ISY1: variants seen among roughly 807,000 people sequenced by gnomAD.
ISY1 encodes the protein pre-mRNA-splicing factor ISY1 homolog.
Under a neutral mutation model 54.4 loss-of-function variants are expected in ISY1, and 12 were observed. The observed-to-expected ratio is 0.22, with a 90% CI of 0.14 to 0.36. ISY1 has a LOEUF of 0.36. Ranked by LOEUF, ISY1 falls within the 10% of genes least tolerant of loss-of-function variation. The pLI, the probability that ISY1 is intolerant of heterozygous loss-of-function variation, is 1.00. For missense variants in ISY1, 282 were observed against 342.2 expected, an observed-to-expected ratio of 0.82 and a Z score of 1.39; for synonymous variants, 96 against 117.9, an observed-to-expected ratio of 0.81 and a Z score of 1.20.
At chr3:129,145,962 G>T (rs1329035942) in intron 5 of ISY1, 89 bp from the exon 6 acceptor site, 3 of 1,267,286 alleles carry the variant, frequency 2.4e-6, no homozygotes, top group East Asian at 2.4e-5. Context: ...TCCTTAAAAT[G>T]AATGTCAACA....
chr3:129,153,969 G>A (rs1006413813), intron 5 of ISY1, among the ~76,000 whole-genome samples: 7 of 151,878 alleles, frequency 4.6e-5, no homozygotes, highest in African/African-American at 7.3e-5. Context: ...TTGGCTGGGC[G>A]CCATGGCTCA....
intron 5 of ISY1, among the ~76,000 whole-genome samples, chr3:129,147,539 CAAAGGG>C (rs1435661273): frequency 6.6e-6 from 1 of 152,096 alleles, no homozygotes; most frequent in Non-Finnish European, 1.5e-5. Context: ...TCAACCAAAG[CAAAGGG>C]AGAGGATTCC....
chr3:129,139,513 T>C (rs1936542929), intron 7 of ISY1, among the ~76,000 whole-genome samples: 1 of 152,208 alleles, frequency 6.6e-6, no homozygotes, highest in African/African-American at 2.4e-5. Flanking sequence ...ACTACCTTTC[T>C]AAAACACAAA....
intron 3 of ISY1, among the ~76,000 whole-genome samples, chr3:129,158,182 C>G: frequency 7.2e-6 from 1 of 138,074 alleles, no homozygotes; most frequent in South Asian, 2.3e-4. Flanking sequence ...TTGACAGGTT[C>G]TCACTGTGTC....
intron 5 of ISY1, among the ~76,000 whole-genome samples, chr3:129,154,439 C>CAAA (rs58548903): frequency 9.6e-4 from 32 of 33,362 alleles, no homozygotes; most frequent in East Asian, 4.7e-3. Context: ...GACTCCATCT[C>CAAA]AAAAAAAAAA....
intron 9 of ISY1, among the ~76,000 whole-genome samples, chr3:129,131,071 C>T (rs1176072732): frequency 2.6e-5 from 4 of 152,160 alleles, no homozygotes; most frequent in Non-Finnish European, 5.9e-5. Flanking sequence ...AAAGAAAACA[C>T]CACGGACTTG....
At chr3:129,134,010 C>T in intron 9 of ISY1, 64 bp downstream of exon 9, 3 of 1,602,028 alleles carry the variant, frequency 1.9e-6, no homozygotes, top group Admixed American at 3.4e-5. Flanking sequence ...CAAGTTTCCT[C>T]CCTGCCACAC....
chr3:129,134,282 A>T, intron 8 of ISY1, 87 bp from the exon 9 acceptor site: 1 of 1,589,410 alleles, frequency 6.3e-7, no homozygotes, highest in Non-Finnish European at 8.6e-7. Context: ...CTATGCAGGG[A>T]AAGTCTAGAC....
chr3:129,157,887 G>T (rs1216334114), intron 3 of ISY1, among the ~76,000 whole-genome samples: 1 of 151,992 alleles, frequency 6.6e-6, no homozygotes, highest in Non-Finnish European at 1.5e-5. Flanking sequence ...AGGAAATTCT[G>T]AAGTTTGAAG....
intron 1 of ISY1, among the ~76,000 whole-genome samples, chr3:129,159,569 G>A (rs1271380767): frequency 6.6e-6 from 1 of 152,192 alleles, no homozygotes; most frequent in Non-Finnish European, 1.5e-5. Flanking sequence ...TTCCCTGCCA[G>A]TGGTATTTGG....
chr3:129,151,170 A>T (rs1360865655), intron 5 of ISY1, among the ~76,000 whole-genome samples: 5 of 147,678 alleles, frequency 3.4e-5, no homozygotes, highest in Non-Finnish European at 7.5e-5. Flanking sequence ...TAAATATATA[A>T]AAATATATAT....
chr3:129,133,073 G>A (rs1328627966), intron 9 of ISY1, among the ~76,000 whole-genome samples: 1 of 151,980 alleles, frequency 6.6e-6, no homozygotes, highest in East Asian at 1.9e-4. Context: ...CCAAATATAG[G>A]GCCCCGCAGA....
chr3:129,134,770 T>G (rs1936340639), intron 8 of ISY1, 62 bp downstream of exon 8: 9 of 1,532,490 alleles, frequency 5.9e-6, no homozygotes, highest in Non-Finnish European at 7.0e-6. Context: ...AAATCCTGTT[T>G]TCAAAGGACA....
intron 9 of ISY1, among the ~76,000 whole-genome samples, chr3:129,133,038 T>A (rs966055728): frequency 2.0e-5 from 3 of 152,136 alleles, no homozygotes; most frequent in Admixed American, 6.5e-5. Context: ...CAGATCCACC[T>A]AGACCTGTGC....
chr3:129,139,383 A>G (rs963526664), intron 7 of ISY1, among the ~76,000 whole-genome samples: 5 of 152,224 alleles, frequency 3.3e-5, no homozygotes, highest in Admixed American at 2.0e-4. Flanking sequence ...ATAAAAATAG[A>G]ACTATATTTT....
chr3:129,140,433 C>A lies in ISY1; in HGVS notation c.353G>T (p.Arg118Leu). The A allele has an allele frequency of 6.2e-7, 1 of 1,613,364 alleles. No homozygotes were observed. Among genetic ancestry groups the A allele is most frequent in the Non-Finnish European group, 8.5e-7 (1 of 1,179,854 alleles). ...TGCTGCTCCAAAGTACTTGTAACCTCGGTTTCCTGGGACTTCTTTTCCTTC... is the reference window on the plus strand; with the variant it reads ...TGCTGCTCCAAAGTACTTGTAACCTAGGTTTCCTGGGACTTCTTTTCCTTC... ...DHEGKEVPGN[R>L]GYKYFGAAKD... Residue 118 changes from arginine to leucine, a missense_variant, in exon 7 of 11, where the codon CGA becomes CTA. This residue lies in a region of ISY1 where 279 missense variants were observed against 323.6 expected (regional missense o/e 0.86). Coordinates refer to ENST00000393295, the MANE Select transcript of ISY1 (RefSeq NM_020701.4).
intron 7 of ISY1, among the ~76,000 whole-genome samples, chr3:129,136,782 T>G (rs181508689): frequency 1.3e-5 from 2 of 151,512 alleles, no homozygotes; most frequent in Non-Finnish European, 2.9e-5. Flanking sequence ...CTCCGCCTCC[T>G]GGGTTCACGC....
At chr3:129,151,724 C>A (rs1278075914) in intron 5 of ISY1, among the ~76,000 whole-genome samples, 1 of 152,034 alleles carries the variant, frequency 6.6e-6, no homozygotes, top group South Asian at 2.1e-4. Context: ...CCTTTTTTTA[C>A]TTTACCGCAC....
intron 5 of ISY1, among the ~76,000 whole-genome samples, chr3:129,149,908 A>ACGTC (rs1312561746): frequency 6.6e-6 from 1 of 150,446 alleles, no homozygotes; most frequent in Non-Finnish European, 1.5e-5. Context: ...CAAGAGGTGG[A>ACGTC]CGCTGCAGTG....
Sources: allele counts gnomAD v4.1 joint callset (sites outside exome capture counted in the v4.1 genomes callset), GRCh38; gene constraint gnomAD v4.1.1; regional missense constraint gnomAD v4.1.1; transcripts MANE v1.5; gene names NCBI Gene and HGNC (gene_info 2026-07-23, HGNC 2026-07-21).